Variants in ASPRV1 observed in about 807,000 individuals in gnomAD.
ASPRV1 encodes the protein retroviral-like aspartic protease 1.
ASPRV1 carries 7 observed loss-of-function variants against 11.0 expected under a neutral mutation model. The observed-to-expected ratio is 0.64, with a 90% confidence interval of 0.36 to 1.20. ASPRV1 has a LOEUF of 1.20. Among genes scored for constraint, ASPRV1 ranks in the 50% most tolerant of loss-of-function variants. The pLI, the probability that ASPRV1 is intolerant of heterozygous loss-of-function variation, is 0.02. For missense variants in ASPRV1, 299 were observed against 320.0 expected (o/e 0.93, Z 0.50); for synonymous variants, 136 against 138.4 (o/e 0.98, Z 0.12).
the ASPRV1 span, among the ~76,000 whole-genome samples, chr2:69,967,159 G>A: frequency 6.6e-6 from 1 of 152,166 alleles, no homozygotes; most frequent in Admixed American, 6.5e-5. Context: ...CATACTTACT[G>A]AGGCCAACAC....
chr2:69,984,273 A>C, the ASPRV1 span, among the ~76,000 whole-genome samples: 3,795 of 152,156 alleles, frequency 0.025, 149 homozygotes, highest in African/African-American at 0.085. Flanking sequence ...TCCTGACCTC[A>C]GGTGATCCAC....
chr2:70,033,664 A>G, the ASPRV1 span, among the ~76,000 whole-genome samples: 2 of 152,110 alleles, frequency 1.3e-5, no homozygotes, highest in South Asian at 4.1e-4. Context: ...GAATGGAATA[A>G]TTTTTTCCCC....
the ASPRV1 span, among the ~76,000 whole-genome samples, chr2:69,987,093 T>C: frequency 3.9e-5 from 6 of 151,960 alleles, no homozygotes; most frequent in East Asian, 1.2e-3. Context: ...GGAAAAGGGA[T>C]CAGGGAACAG....
the ASPRV1 span, among the ~76,000 whole-genome samples, chr2:70,028,799 AGGCGTGGT>A: frequency 6.6e-6 from 1 of 152,070 alleles, no homozygotes; most frequent in Non-Finnish European, 1.5e-5. Flanking sequence ...AAAAATAGCC[AGGCGTGGT>A]GGCACGAGCC....
the ASPRV1 span, among the ~76,000 whole-genome samples, chr2:70,061,989 A>G: frequency 6.8e-6 from 1 of 146,808 alleles, no homozygotes; most frequent in African/African-American, 2.5e-5. Flanking sequence ...GAGAAAATAG[A>G]TATCATAGAT....
the ASPRV1 span, among the ~76,000 whole-genome samples, chr2:70,013,337 C>T: frequency 6.6e-6 from 1 of 150,936 alleles, no homozygotes; most frequent in African/African-American, 2.4e-5. Flanking sequence ...ATTTTGATGA[C>T]ATAACAAAGA....
chr2:69,981,208 T>C, the ASPRV1 span, among the ~76,000 whole-genome samples: 2 of 152,206 alleles, frequency 1.3e-5, no homozygotes, highest in African/African-American at 2.4e-5. Flanking sequence ...ATTGCACCAC[T>C]TGTGATAATT....
chr2:69,950,931 G>A, the ASPRV1 span, among the ~76,000 whole-genome samples: 3 of 150,972 alleles, frequency 2.0e-5, no homozygotes, highest in Non-Finnish European at 4.4e-5. Flanking sequence ...AAGTATGAAA[G>A]TTTACAAAAC....
chr2:70,029,448 G>A, the ASPRV1 span, among the ~76,000 whole-genome samples: 1 of 152,014 alleles, frequency 6.6e-6, no homozygotes, highest in Non-Finnish European at 1.5e-5. Context: ...AGACCATTCT[G>A]GCCAACATGG....
At chr2:69,949,878 C>T in the ASPRV1 span, among the ~76,000 whole-genome samples, 11 of 152,166 alleles carry the variant, frequency 7.2e-5, no homozygotes, top group African/African-American at 1.4e-4. Flanking sequence ...TGCAATGGCA[C>T]GATCTCAGCT....
At chr2:70,001,484 T>C in the ASPRV1 span, among the ~76,000 whole-genome samples, 119 of 151,544 alleles carry the variant, frequency 7.9e-4, 1 homozygote, top group Admixed American at 4.3e-3. Context: ...GTGGCTGGGG[T>C]TGGTGGTTCA....
chr2:70,076,261 G>A, the ASPRV1 span, among the ~76,000 whole-genome samples: 22 of 152,324 alleles, frequency 1.4e-4, no homozygotes, highest in African/African-American at 4.1e-4. Context: ...GTGATGCAGC[G>A]TAATGGTTAG....
At chr2:70,084,876 T>C in the ASPRV1 span, among the ~76,000 whole-genome samples, 1 of 152,224 alleles carries the variant, frequency 6.6e-6, no homozygotes, top group African/African-American at 2.4e-5. Flanking sequence ...ACCTATTAAA[T>C]GTTCGTAGAG....
the ASPRV1 span, among the ~76,000 whole-genome samples, chr2:70,061,224 C>T: frequency 1.3e-5 from 2 of 151,664 alleles, no homozygotes; most frequent in African/African-American, 4.8e-5. Flanking sequence ...GGAGAAACCC[C>T]GTCTCCATGA....
the ASPRV1 span, among the ~76,000 whole-genome samples, chr2:69,987,318 C>T: frequency 1.3e-5 from 2 of 152,068 alleles, no homozygotes; most frequent in East Asian, 1.9e-4. Flanking sequence ...ATCCCTCATC[C>T]CTGGTCCAAA....
the ASPRV1 span, among the ~76,000 whole-genome samples, chr2:69,972,356 C>G: frequency 2.7e-5 from 4 of 148,210 alleles, no homozygotes; most frequent in East Asian, 5.9e-4. Context: ...CCACCGTGCC[C>G]GGCCCTTTTT....
At chr2:69,996,604 CG>C in the ASPRV1 span, 3 of 418,286 alleles carry the variant, frequency 7.2e-6, no homozygotes, top group African/African-American at 6.2e-5. Context: ...AGGAATGCAA[CG>C]TCTTTCATTA....
At chr2:70,004,922 C>T in the ASPRV1 span, among the ~76,000 whole-genome samples, 5,709 of 152,166 alleles carry the variant, frequency 0.038, 369 homozygotes, top group African/African-American at 0.13. Context: ...TGCTGTACCC[C>T]CAGTGTTTAG....
the ASPRV1 span, among the ~76,000 whole-genome samples, chr2:70,047,538 G>GA: frequency 6.6e-6 from 1 of 152,196 alleles, no homozygotes; most frequent in Non-Finnish European, 1.5e-5. Flanking sequence ...TCTACTGACA[G>GA]AAATTCTAGA....
Sources: allele counts gnomAD v4.1 joint callset (sites outside exome capture counted in the v4.1 genomes callset), GRCh38; gene constraint gnomAD v4.1.1; transcripts MANE v1.5; gene names NCBI Gene and HGNC (gene_info 2026-07-23, HGNC 2026-07-21).